The following TRPC6 variants were observed in gnomAD, a reference collection of about 807,000 sequenced individuals.
TRPC6 encodes transient receptor potential cation channel subfamily C member 6.
A neutral mutation model predicts 90.7 loss-of-function variants in TRPC6; 55 were observed. The observed-to-expected ratio is 0.61, with a 90% CI of 0.49 to 0.76. The LOEUF is 0.76. Ranked by LOEUF, TRPC6 falls within the 30% of genes least tolerant of loss-of-function variation. The probability of loss-of-function intolerance (pLI) is 0.00; values close to 1 mark genes in which losing one functional copy is unlikely to be tolerated. For missense variants in TRPC6, 989 were observed against 1,122.7 expected (o/e 0.88, Z 1.70); for synonymous variants, 393 against 393.0 (o/e 1.00, Z 0.00).
At chr11:101,511,767 G>A (rs528069986) in intron 1 of TRPC6, among the ~76,000 whole-genome samples, 121 of 152,170 alleles carry the variant, frequency 8.0e-4, no homozygotes, top group Admixed American at 2.0e-3. Flanking sequence ...CTAGGTGGGT[G>A]GATCACCTGA....
intron 1 of TRPC6, among the ~76,000 whole-genome samples, chr11:101,538,285 T>C (rs970321879): frequency 1.3e-5 from 2 of 152,208 alleles, no homozygotes; most frequent in African/African-American, 4.8e-5. Flanking sequence ...TTGAAAAAGC[T>C]ATTTCTATAC....
In TRPC6 at chr11:101,471,245, AT is replaced by A; in HGVS notation, c.2346del (p.Lys782AsnfsTer20). 1.2e-6 allele frequency: 2 copies of A among 1,613,922 alleles called. No homozygotes were observed. The highest frequency in any genetic ancestry group is 1.6e-4 in the Middle Eastern group (1 of 6,062). On this transcript the variant is annotated frameshift_variant, in exon 9 of 13. Coordinates refer to ENST00000344327, the MANE Select transcript of TRPC6 (RefSeq NM_004621.6). LOFTEE classifies it high-confidence loss of function. Reference sequence around the variant, plus strand: ...TGGCCCTGGAACAGCTCAGAAATCCATTTTTTAAGCTTCAGTAAGAGATAAA... The same window carrying A: ...TGGCCCTGGAACAGCTCAGAAATCCATTTTTAAGCTTCAGTAAGAGATAAA... ...SLFYLLLKLK[K>X]WISELFQGHK...
intron 5 of TRPC6, among the ~76,000 whole-genome samples, chr11:101,480,681 C>T (rs930320176): frequency 6.6e-6 from 1 of 152,054 alleles, no homozygotes; most frequent in Non-Finnish European, 1.5e-5. Context: ...CATATAAATG[C>T]TCAGTGAAAA....
In TRPC6 at chr11:101,491,410, G is replaced by T. The variant is rs561636402; in HGVS notation, c.1128+146C>A. ...GATCGCACCACTGCACTCCAGACTGGGCGACAGAGCGAGACTCCATCTCAA... is the reference window on the plus strand; with the variant it reads ...GATCGCACCACTGCACTCCAGACTGTGCGACAGAGCGAGACTCCATCTCAA... On this transcript the variant is annotated intron_variant, in intron 3 of 12. Transcript: ENST00000344327. 101 of 1,043,296 alleles carry T rather than the reference G, an allele frequency of 9.7e-5. No individual in the cohort carries two copies. The African/African-American group carries it at 1.6e-3, about 16-fold the overall frequency. 64.6% of individuals were successfully genotyped at this position (1,043,296 alleles called of 1,614,324 possible).
intron 1 of TRPC6, among the ~76,000 whole-genome samples, chr11:101,520,127 G>A (rs7934774): frequency 0.49 from 74,553 of 151,756 alleles, 18,694 homozygotes; most frequent in African/African-American, 0.56. Flanking sequence ...CCAGTGTTGA[G>A]GAAGGGGCCT....
rs369976294 is a variant in TRPC6 at position 101,469,411 on chromosome 11, T to C, written c.2484+16A>G. 16 of 764,468 alleles carry C rather than the reference T, an allele frequency of 2.1e-5. No homozygotes were observed. Among genetic ancestry groups the C allele is most frequent in the African/African-American group, 2.0e-4 (12 of 59,084 alleles). 47.4% of individuals were successfully genotyped at this position (764,468 alleles called of 1,614,324 possible). A position where few individuals can be genotyped will look rare whatever the true frequency, so the allele number is the denominator to read the frequency against. ...CGATCATGTGCATGACTTCATATTT[T>C]CAAATATGAGCTTACCTGTTTTTTG... On this transcript the variant is annotated intron_variant, in intron 10 of 12. Coordinates refer to ENST00000344327, the MANE Select transcript of TRPC6 (RefSeq NM_004621.6).
chr11:101,578,066 T>C (rs1862110802), intron 1 of TRPC6, among the ~76,000 whole-genome samples: 1 of 152,202 alleles, frequency 6.6e-6, no homozygotes, highest in African/African-American at 2.4e-5. Context: ...GAAATCTCTT[T>C]GTTGAGGAAT....
intron 10 of TRPC6, among the ~76,000 whole-genome samples, chr11:101,463,073 G>T (rs902170370): frequency 2.6e-5 from 4 of 152,140 alleles, no homozygotes; most frequent in African/African-American, 9.7e-5. Context: ...TAATCATGTG[G>T]TTTTTGTCAT....
chr11:101,567,525 G>C (rs1297734870), intron 1 of TRPC6, among the ~76,000 whole-genome samples: 1 of 152,234 alleles, frequency 6.6e-6, no homozygotes, highest in East Asian at 1.9e-4. Flanking sequence ...ATAAGGGACA[G>C]ACTATCTCCG....
chr11:101,538,704 T>C (rs1478965655), intron 1 of TRPC6, among the ~76,000 whole-genome samples: 2 of 152,174 alleles, frequency 1.3e-5, no homozygotes, highest in Non-Finnish European at 2.9e-5. Flanking sequence ...TAAGGCAGAA[T>C]GAGAGATCAG....
chr11:101,568,993 G>T lies in TRPC6; in HGVS notation c.170+14341C>A, dbSNP rs180971863. 2.7e-3 allele frequency among the ~76,000 whole-genome samples: 418 copies of T among 152,226 alleles called. 3 individuals are homozygous for T. The highest frequency in any genetic ancestry group is 9.7e-3 in the African/African-American group (401 of 41,546). ...CCAGCTAACATCATAATGGCAGGAT[G>T]AAATTCACACATAACAATATTGACC... On this transcript the variant is annotated intron_variant, in intron 1 of 12. Coordinates refer to ENST00000344327, the MANE Select transcript of TRPC6 (RefSeq NM_004621.6).
At chr11:101,578,961 G>A (rs1862131588) in intron 1 of TRPC6, among the ~76,000 whole-genome samples, 1 of 151,760 alleles carries the variant, frequency 6.6e-6, no homozygotes, top group East Asian at 1.9e-4. Context: ...TAAATGATAT[G>A]TTTAAATGGG....
chr11:101,539,914 G>A (rs1171396465), intron 1 of TRPC6, among the ~76,000 whole-genome samples: 1 of 152,118 alleles, frequency 6.6e-6, no homozygotes, highest in Non-Finnish European at 1.5e-5. Context: ...ATTGGCAGGT[G>A]GTGAAGGAAC....
intron 9 of TRPC6, among the ~76,000 whole-genome samples, chr11:101,470,819 T>G (rs75575080): frequency 3.9e-4 from 8 of 20,696 alleles, no homozygotes; most frequent in Admixed American, 6.6e-4. Flanking sequence ...CCCCCCCCCC[T>G]CCCCGAGTCA....
intron 1 of TRPC6, among the ~76,000 whole-genome samples, chr11:101,556,185 T>C (rs190771951): frequency 5.1e-4 from 77 of 152,024 alleles, no homozygotes; most frequent in Non-Finnish European, 6.0e-4. Flanking sequence ...ACTAAGCCCA[T>C]AGTTAGCAGA....
chr11:101,546,925 C>G (rs1861319660), intron 1 of TRPC6, among the ~76,000 whole-genome samples: 1 of 152,072 alleles, frequency 6.6e-6, no homozygotes, highest in African/African-American at 2.4e-5. Flanking sequence ...TCAAAATTAT[C>G]AGGTGAACAA....
intron 1 of TRPC6, among the ~76,000 whole-genome samples, chr11:101,564,205 T>C (rs1021478991): frequency 6.6e-6 from 1 of 152,238 alleles, no homozygotes; most frequent in East Asian, 1.9e-4. Flanking sequence ...AAGCCATGTT[T>C]TTTGCTAGGT....
chr11:101,520,348 T>G (rs1239800140), intron 1 of TRPC6, among the ~76,000 whole-genome samples: 2 of 152,208 alleles, frequency 1.3e-5, no homozygotes, highest in Non-Finnish European at 1.5e-5. Context: ...CCGTGTTCCC[T>G]GTACAGCCTG....
intron 2 of TRPC6, among the ~76,000 whole-genome samples, chr11:101,503,141 G>A (rs1860170988): frequency 6.6e-6 from 1 of 152,192 alleles, no homozygotes; most frequent in African/African-American, 2.4e-5. Context: ...GGTAGAGGGA[G>A]TTTAGAGATA....
Sources: allele counts gnomAD v4.1 joint callset (sites outside exome capture counted in the v4.1 genomes callset), GRCh38; gene constraint gnomAD v4.1.1; transcripts MANE v1.5; gene names NCBI Gene and HGNC (gene_info 2026-07-23, HGNC 2026-07-21).